Variants in CABP2 observed in about 807,000 individuals in gnomAD.
CABP2 encodes the protein calcium binding protein 2, also known as calcium-binding protein 2.
In CABP2, 25 loss-of-function variants were observed where a neutral mutation model predicts 28.6. The observed-to-expected ratio is 0.87, with a 90% CI of 0.64 to 1.22. The LOEUF (loss-of-function observed/expected upper bound fraction) is 1.22, where lower values mean the gene tolerates loss of function less well. CABP2 is among the 50% of genes most tolerant of loss of function. CABP2 has a pLI of 0.00. For synonymous variants in CABP2, 138 were observed against 126.0 expected, an observed-to-expected ratio of 1.09 and a Z score of -0.64; for missense variants, 310 against 312.2, an observed-to-expected ratio of 0.99 and a Z score of 0.05.
In CABP2 at chr11:67,522,576, G is replaced by A. The variant is rs1253552760; in HGVS notation, c.183C>T (p.Phe61=). ...LNSLVGPACI[F]LRPSIAATQL... The stretch of plus-strand genomic sequence containing the variant: ...GGGTGGCGGCAATGCTGGGCCGCAG[G>A]AAGATGCAGGCAGGCCCCACCAGGC... The change falls in exon 2 of 7, where the codon TTC becomes TTT. Residue 61 remains phenylalanine, a synonymous_variant. Coordinates refer to ENST00000294288, the MANE Select transcript of CABP2 (RefSeq NM_016366.3). 1 of 1,556,250 alleles carries A rather than the reference G, an allele frequency of 6.4e-7. No individual in the cohort carries two copies. The highest frequency in any genetic ancestry group is 2.4e-5 in the East Asian group (1 of 41,334).
rs1261821032 is a variant in CABP2 at position 67,521,310 on chromosome 11, A to G, written c.245-151T>C. On this transcript the variant is annotated intron_variant, in intron 3 of 6. Coordinates refer to ENST00000294288, the MANE Select transcript of CABP2 (RefSeq NM_016366.3). Reference sequence around the variant, plus strand: ...GGCCTTTGCACGTGCTGTTCCTGTTATTTGTTCTTTCAGCAAATATTTGAG... The same window carrying G: ...GGCCTTTGCACGTGCTGTTCCTGTTGTTTGTTCTTTCAGCAAATATTTGAG... 9.0e-6 allele frequency: 7 copies of G among 776,994 alleles called. No individual in the cohort carries two copies. The South Asian group carries it at 9.3e-5, about 10-fold the overall frequency. The allele number at this position is 776,994 out of a possible 1,614,324, so 48.1% of individuals were successfully genotyped here.
chr11:67,519,287 G>T, intron 6 of CABP2, 123 bp from the exon 7 acceptor site: 1 of 900,192 alleles, frequency 1.1e-6, no homozygotes, highest in Non-Finnish European at 1.9e-6. Context: ...GGCATCCTCT[G>T]GATCTGATAG....
intron 1 of CABP2, 54 bp from the exon 2 acceptor site, chr11:67,522,770 A>C: frequency 1.4e-6 from 2 of 1,407,296 alleles, no homozygotes; most frequent in Non-Finnish European, 1.9e-6. Flanking sequence ...TCTGGGCCTG[A>C]TAGCCCTCCC....
rs981606582 is a variant in CABP2, at chr11:67,522,638, G to C, written c.121C>G (p.Pro41Ala). ...GAGTAGCCCTGGACGCCTGGCGCGG[G>C]GTCCCCCTGCTCCTTGGGGCTGGAG... is the stretch of plus-strand genomic sequence containing the variant. Reference protein sequence around the residue: ...PSSSPKEQGDPAPGVQGYSVL... With the variant: ...PSSSPKEQGDAAPGVQGYSVL... The change falls in exon 2 of 7, where the codon CCC becomes GCC. Residue 41 changes from proline (P) to alanine (A), a missense_variant. By Grantham distance (27) the Pro-to-Ala change is conservative. Coordinates refer to ENST00000294288, the MANE Select transcript of CABP2 (RefSeq NM_016366.3). 2 of 1,547,350 alleles carry C rather than the reference G, an allele frequency of 1.3e-6. No individual in the cohort carries two copies. Among genetic ancestry groups the C allele is most frequent in the African/African-American group, 1.4e-5 (1 of 72,966 alleles).
chr11:67,519,846 T>G lies in CABP2; in HGVS notation c.584A>C (p.Asp195Ala), dbSNP rs1302689901. The change falls in exon 6 of 7, where the codon GAC (aspartate) becomes GCC (alanine). Residue 195 changes from aspartate to alanine, a missense_variant. By Grantham distance (126) the Asp-to-Ala change is moderately radical. Transcript: ENST00000294288. Reference protein sequence around the residue: ...LGERLSQREVDEILQDVDLNG... With the variant: ...LGERLSQREVAEILQDVDLNG... Reference sequence around the variant, plus strand: ...GAGGTCCACGTCCTGGAGGATCTCGTCCACCTCCCGCTGGCTGAGGCGCTC... The same window carrying G: ...GAGGTCCACGTCCTGGAGGATCTCGGCCACCTCCCGCTGGCTGAGGCGCTC... 1 of 1,614,022 alleles carries G rather than the reference T, an allele frequency of 6.2e-7. No homozygotes were observed. The highest frequency in any genetic ancestry group is 8.5e-7 in the Non-Finnish European group (1 of 1,179,990).
Position 67,519,122 on chromosome 11 carries a change from C to G in CABP2, c.*17G>C. 1 of 1,613,758 alleles carries G rather than the reference C, an allele frequency of 6.2e-7. No individual in the cohort carries two copies. Among genetic ancestry groups the G allele is most frequent in the Non-Finnish European group, 8.5e-7 (1 of 1,179,870 alleles). ...GGTCCTTGAGTCCTTTATGCTGCCT[C>G]CAGCTTCTGTACAGGCTCACCGAGA... On this transcript the variant is annotated 3_prime_UTR_variant, in exon 7 of 7. Transcript: ENST00000294288.
chr11:67,523,348 C>T lies in CABP2; in HGVS notation c.-22G>A, dbSNP rs1157017962. 6.5e-7 allele frequency: 1 copy of T among 1,545,362 alleles called. No homozygotes were observed. ...CCATGGGCCCTGAACCATGCCAGGC[C>T]TGGAACCCCGGGGGTGGCCCGGGTG... is the stretch of plus-strand genomic sequence containing the variant. On this transcript the variant is annotated 5_prime_UTR_variant, in exon 1 of 7. Coordinates refer to ENST00000294288, the MANE Select transcript of CABP2 (RefSeq NM_016366.3).
At position 67,521,058 on chromosome 11, in the gene CABP2, C is replaced by T. The variant is rs140767804; in HGVS notation, c.346G>A (p.Glu116Lys). The change falls in exon 4 of 7, where the codon GAG becomes AAG. Residue 116 changes from glutamate (E) to lysine (K), a missense_variant. Glu to Lys is a moderately conservative substitution (Grantham distance 56, BLOSUM62 1). Transcript: ENST00000294288. ...CMRTLGYMPT[E>K]MELIEISQQI... ...TGTGAGATCTCGATGAGCTCCATCT[C>T]GGTGGGCATGTAGCCCAGGGTCCGC... The T allele has an allele frequency of 2.5e-5, 40 of 1,613,848 alleles. No homozygotes were observed. In the African/African-American group the frequency reaches 2.7e-4, roughly 11 times the overall value.
chr11:67,521,856 GGCCCCCACCCGATGCCCCCCCAACCCTGT>G, intron 3 of CABP2, 67 bp downstream of exon 3: 1 of 902,604 alleles, frequency 1.1e-6, no homozygotes, highest in Non-Finnish European at 1.8e-6. Flanking sequence ...GAAACACTGA[GGCCCCCACCCGATGCCCCCCCAACCCTGT>G]GTCCCCACCC....
chr11:67,519,696 G>C, intron 6 of CABP2, 97 bp downstream of exon 6: 1 of 1,202,714 alleles, frequency 8.3e-7, no homozygotes, highest in African/African-American at 1.5e-5. Context: ...GGAGTGCGTG[G>C]CACAGGGTCT....
rs200289196 is a variant in CABP2 at position 67,519,789 on chromosome 11, G to A, written c.637+4C>T. On this transcript the variant is annotated splice_donor_region_variant and intron_variant, in intron 6 of 6. Coordinates refer to ENST00000294288, the MANE Select transcript of CABP2 (RefSeq NM_016366.3). ...CGTGTGTTGCTATGTGCGGCAGGGGGTACCTTCGAAGTCGACCAGACCGTC... is the reference window on the plus strand; with the variant it reads ...CGTGTGTTGCTATGTGCGGCAGGGGATACCTTCGAAGTCGACCAGACCGTC... The A allele has an allele frequency of 1.1e-5, 18 of 1,613,532 alleles. No homozygotes were observed. The Admixed American group carries it at 2.3e-4, about 21-fold the overall frequency.
In CABP2 at chr11:67,523,172, G is replaced by A. The variant is rs116687594; in HGVS notation, c.42+113C>T. On this transcript the variant is annotated intron_variant, in intron 1 of 6. Transcript: ENST00000294288. ...TCCAGGAAAAAAATCTCCACCTGGG[G>A]CAGTGGGCAGCCCCCAACCCCGCCC... is the stretch of plus-strand genomic sequence containing the variant. 3,213 of 797,046 alleles carry A rather than the reference G, an allele frequency of 4.0e-3. 74 individuals are homozygous for A. In the African/African-American group the frequency reaches 0.052, roughly 13 times the overall value. 49.4% of individuals were successfully genotyped at this position (797,046 alleles called of 1,614,324 possible). A position where few individuals can be genotyped will look rare whatever the true frequency, so the allele number is the denominator to read the frequency against.
At chr11:67,523,232 C>T in intron 1 of CABP2, 53 bp downstream of exon 1, 2 of 1,420,810 alleles carry the variant, frequency 1.4e-6, no homozygotes, top group Non-Finnish European at 1.9e-6. Context: ...CCATCTGACC[C>T]TCAGGGTCCA....
intron 4 of CABP2, among the ~76,000 whole-genome samples, chr11:67,520,738 G>A (rs565693981): frequency 6.6e-6 from 1 of 152,276 alleles, no homozygotes; most frequent in East Asian, 1.9e-4. Flanking sequence ...TGAACTCTTC[G>A]GTTGGGTTCA....
At chr11:67,520,920 T>C in intron 4 of CABP2, 105 bp downstream of exon 4, 1 of 1,256,394 alleles carries the variant, frequency 8.0e-7, no homozygotes, top group Non-Finnish European at 1.1e-6. Context: ...TCATGGGCTC[T>C]GGGGACAGCC....
chr11:67,523,368 C>A lies in CABP2; in HGVS notation c.-42G>T. 1 of 1,528,760 alleles carries A rather than the reference C, an allele frequency of 6.5e-7. No individual in the cohort carries two copies. The highest frequency in any genetic ancestry group is 1.2e-5 in the South Asian group (1 of 82,260). The allele number at this position is 1,528,760 out of a possible 1,614,324, so 94.7% of individuals were successfully genotyped here. A position where few individuals can be genotyped will look rare whatever the true frequency, so the allele number is the denominator to read the frequency against. On this transcript the variant is annotated 5_prime_UTR_variant, in exon 1 of 7. Coordinates refer to ENST00000294288, the MANE Select transcript of CABP2 (RefSeq NM_016366.3). ...CAGGCCTGGAACCCCGGGGGTGGCCCGGGTGGGCCTCGGCGGATGCTGCTG... is the reference window on the plus strand; with the variant it reads ...CAGGCCTGGAACCCCGGGGGTGGCCAGGGTGGGCCTCGGCGGATGCTGCTG...
intron 4 of CABP2, among the ~76,000 whole-genome samples, chr11:67,520,671 C>G (rs1866733926): frequency 6.6e-6 from 1 of 152,086 alleles, no homozygotes; most frequent in Non-Finnish European, 1.5e-5. Flanking sequence ...AAACAAAAAA[C>G]AAAAAACAAA....
intron 3 of CABP2, among the ~76,000 whole-genome samples, 200 bp from the exon 4 acceptor site, chr11:67,521,359 C>T (rs1353529998): frequency 6.6e-6 from 1 of 152,170 alleles, no homozygotes; most frequent in Admixed American, 6.5e-5. Context: ...GTGCCAAGCT[C>T]TGCTCTAGGC....
intron 5 of CABP2, 24 bp from the exon 6 acceptor site, chr11:67,519,964 TCTGGTCA>T: frequency 5.0e-6 from 8 of 1,600,668 alleles, no homozygotes; most frequent in Non-Finnish European, 6.8e-6. Context: ...GGTTGTGGCG[TCTGGTCA>T]CTGACAGTCA....
Sources: allele counts gnomAD v4.1 joint callset (sites outside exome capture counted in the v4.1 genomes callset), GRCh38; gene constraint gnomAD v4.1.1; transcripts MANE v1.5; gene names NCBI Gene and HGNC (gene_info 2026-07-23, HGNC 2026-07-21).